CCDC63: variants seen among roughly 807,000 people sequenced by gnomAD.
CCDC63 encodes the protein coiled-coil domain-containing protein 63.
Under a neutral mutation model 63.6 loss-of-function variants are expected in CCDC63, and 54 were observed. That is an observed-to-expected ratio of 0.85 (90% CI 0.68 to 1.07). CCDC63 has a LOEUF of 1.07. Ranked by LOEUF, CCDC63 falls within the 50% of genes least tolerant of loss-of-function variation. The pLI is 0.00. For missense variants in CCDC63, 637 were observed against 689.6 expected (o/e 0.92, Z 0.86); for synonymous variants, 253 against 266.1 (o/e 0.95, Z 0.48).
chr12:110,891,647 AAAAAAAAAG>A (rs2071358494), intron 8 of CCDC63, among the ~76,000 whole-genome samples: 1 of 151,216 alleles, frequency 6.6e-6, no homozygotes, highest in Admixed American at 6.6e-5. Flanking sequence ...AAAAAAAAAA[AAAAAAAAAG>A]AAGAAGAAGA....
intron 3 of CCDC63, 134 bp from the exon 4 acceptor site, chr12:110,858,452 C>A: frequency 1.5e-6 from 1 of 671,356 alleles, no homozygotes; most frequent in Non-Finnish European, 2.5e-6. Flanking sequence ...AGACCATGGA[C>A]ACGTCCCTTT....
intron 8 of CCDC63, among the ~76,000 whole-genome samples, chr12:110,888,297 A>T (rs2136713287): frequency 6.6e-6 from 1 of 152,348 alleles, no homozygotes. Context: ...AGGGAGGACA[A>T]GCCCTAGCAG....
chr12:110,893,577 G>C (rs543894603), intron 9 of CCDC63, among the ~76,000 whole-genome samples: 1 of 152,126 alleles, frequency 6.6e-6, no homozygotes, highest in African/African-American at 2.4e-5. Context: ...ACGAGGCGCC[G>C]GGCTAAGAGC....
At chr12:110,855,718 A>AT (rs1279630452) in intron 3 of CCDC63, among the ~76,000 whole-genome samples, 1 of 152,046 alleles carries the variant, frequency 6.6e-6, no homozygotes, top group Non-Finnish European at 1.5e-5. Context: ...AGTAGCTGGG[A>AT]TTATAGGCAT....
intron 11 of CCDC63, among the ~76,000 whole-genome samples, chr12:110,905,858 G>A (rs1486237973): frequency 1.2e-5 from 1 of 82,868 alleles, no homozygotes; most frequent in Non-Finnish European, 2.4e-5. Flanking sequence ...ATGTGTGTGT[G>A]TATGTGTATA....
rs889747017 is a variant in CCDC63, at chr12:110,889,493, TG to T, written c.1075-3579del. Among the ~76,000 whole-genome samples the T allele has an allele frequency of 2.5e-4, 38 of 152,182 alleles. No homozygotes were observed. Among genetic ancestry groups the T allele is most frequent in the African/African-American group, 9.2e-4 (38 of 41,522 alleles). ...TGAAGGATTGAGCTGTCCAGATCTC[TG>T]GGGAAGAACGCTCCAGGCAGAGGAA... On this transcript the variant is annotated intron_variant, in intron 8 of 11. Transcript: ENST00000308208. The surrounding 1 kb of genome is among the most constrained non-coding windows in gnomAD (Gnocchi z 4.1).
Position 110,853,006 on chromosome 12 carries a change from G to T in CCDC63, c.9+43G>T, listed in dbSNP as rs772012455. 3.8e-6 allele frequency: 6 copies of T among 1,594,338 alleles called. No individual in the cohort carries two copies. In the African/African-American group the frequency reaches 8.1e-5, roughly 21 times the overall value. The stretch of plus-strand genomic sequence containing the variant: ...CCAGCCACAGAGCACCTACTATGGG[G>T]TCAGGCACTGTGCCATCCACTTTAC... On this transcript the variant is annotated intron_variant, in intron 2 of 11. Coordinates refer to ENST00000308208, the MANE Select transcript of CCDC63 (RefSeq NM_152591.3).
intron 8 of CCDC63, among the ~76,000 whole-genome samples, chr12:110,890,190 G>C (rs2136717955): frequency 6.6e-6 from 1 of 152,134 alleles, no homozygotes; most frequent in African/African-American, 2.4e-5. Flanking sequence ...TCTAGTCCCA[G>C]CTACTCAGAA....
chr12:110,890,555 G>A (rs2071343112), intron 8 of CCDC63, among the ~76,000 whole-genome samples: 1 of 152,066 alleles, frequency 6.6e-6, no homozygotes, highest in African/African-American at 2.4e-5. Context: ...AAGATATCAT[G>A]ACCTGGAGAT....
intron 4 of CCDC63, among the ~76,000 whole-genome samples, chr12:110,867,462 C>T (rs1235141992): frequency 9.2e-6 from 1 of 108,832 alleles, no homozygotes; most frequent in Non-Finnish European, 1.9e-5. Context: ...CCTCACTTCC[C>T]AGTAGGGGCG....
rs377591704 is a variant in CCDC63, at chr12:110,893,084, C to T, written c.1083C>T (p.Ile361=). 6.2e-7 allele frequency: 1 copy of T among 1,614,062 alleles called. No homozygotes were observed. The highest frequency in any genetic ancestry group is 2.2e-5 in the East Asian group (1 of 44,880). ...TGTTCTCTCCCGAGCAGGACGAGAT[C>T]ATCCTCTTGCGATCCCAGCAGAAAT... ...HKRTQRIQDE[I]ILLRSQQKLS... is the part of the protein sequence containing the mutation. The change falls in exon 9 of 12, where the codon ATC becomes ATT. Residue 361 remains isoleucine, a synonymous_variant. Coordinates refer to ENST00000308208, the MANE Select transcript of CCDC63 (RefSeq NM_152591.3).
chr12:110,876,879 C>CAAAAAA (rs57300765), intron 5 of CCDC63, among the ~76,000 whole-genome samples: 55 of 110,970 alleles, frequency 5.0e-4, no homozygotes, highest in African/African-American at 1.6e-3. Flanking sequence ...ACTAAAAATA[C>CAAAAAA]AAAAAAAAAA....
intron 11 of CCDC63, among the ~76,000 whole-genome samples, chr12:110,905,833 C>T (rs780370553): frequency 4.3e-5 from 5 of 117,532 alleles, no homozygotes; most frequent in Non-Finnish European, 8.4e-5. Context: ...TACACACACA[C>T]GTGTATGTAT....
chr12:110,881,381 C>T lies in CCDC63; in HGVS notation c.853+85C>T, dbSNP rs1054750185. 5.9e-6 allele frequency: 8 copies of T among 1,358,726 alleles called. No individual in the cohort carries two copies. The South Asian group carries it at 1.1e-4, about 18-fold the overall frequency. The allele number at this position is 1,358,726 out of a possible 1,614,324, so 84.2% of individuals were successfully genotyped here. ...TTTCTCTCTTTTTAAGTGAAGGTGC[C>T]CAAGTCTCCTTGTGGTTGTCAAATT... On this transcript the variant is annotated intron_variant, in intron 7 of 11. Transcript: ENST00000308208.
At chr12:110,897,852 TC>T (rs1163442055) in intron 9 of CCDC63, among the ~76,000 whole-genome samples, 1 of 151,866 alleles carries the variant, frequency 6.6e-6, no homozygotes, top group Admixed American at 6.6e-5. Context: ...TCCTGCCTCT[TC>T]CCCAGTAGCT....
chr12:110,883,112 AC>A (rs1195764269), intron 7 of CCDC63, among the ~76,000 whole-genome samples: 3 of 149,720 alleles, frequency 2.0e-5, no homozygotes, highest in African/African-American at 7.4e-5. Flanking sequence ...ATCTCGGCTC[AC>A]TGCAACCTCC....
chr12:110,852,782 G>T, intron 1 of CCDC63, 77 bp from the exon 2 acceptor site: 1 of 864,530 alleles, frequency 1.2e-6, no homozygotes, highest in Non-Finnish European at 1.9e-6. Flanking sequence ...GGCAGGGGGA[G>T]GGAGGAGGTG....
At position 110,858,765 on chromosome 12, in the gene CCDC63, T is replaced by G; in HGVS notation, c.359T>G (p.Leu120Arg). 6.2e-7 allele frequency: 1 copy of G among 1,613,500 alleles called. No individual in the cohort carries two copies. The highest frequency in any genetic ancestry group is 8.5e-7 in the Non-Finnish European group (1 of 1,179,702). Residue 120 changes from leucine (L) to arginine (R), a missense_variant, in exon 4 of 12, where the codon CTG becomes CGG. Physicochemically the swap from Leu to Arg is moderately radical, Grantham distance 102 (BLOSUM62 -2). Coordinates refer to ENST00000308208, the MANE Select transcript of CCDC63 (RefSeq NM_152591.3). ...TCCCTGAAAGTGCTGTTGGCTGAAC[T>G]GGATGAGAAGGTGTGGTCTTTCTCT... ...IKSLKVLLAELDEKILQMEKK... is the reference protein window; with the variant it reads ...IKSLKVLLAERDEKILQMEKK...
chr12:110,866,723 T>C (rs1368669579), intron 4 of CCDC63, among the ~76,000 whole-genome samples: 3 of 149,304 alleles, frequency 2.0e-5, no homozygotes, highest in South Asian at 2.1e-4. Flanking sequence ...TACTTCTTTC[T>C]ACACAGACAC....
Sources: allele counts gnomAD v4.1 joint callset (sites outside exome capture counted in the v4.1 genomes callset), GRCh38; gene constraint gnomAD v4.1.1; non-coding constraint Gnocchi (gnomAD v3.1); transcripts MANE v1.5; gene names NCBI Gene and HGNC (gene_info 2026-07-23, HGNC 2026-07-21).